Variants in GRM7 observed in about 807,000 individuals in gnomAD.
GRM7 encodes the protein metabotropic glutamate receptor 7.
GRM7 carries 35 observed loss-of-function variants against 84.5 expected under a neutral mutation model. The observed-to-expected ratio is 0.41, with a 90% CI of 0.32 to 0.55. GRM7 has a LOEUF of 0.55. Ranked by LOEUF, GRM7 falls within the 20% of genes least tolerant of loss-of-function variation. GRM7 has a pLI of 0.19. For synonymous variants in GRM7, 487 were observed against 455.1 expected, an observed-to-expected ratio of 1.07 and a Z score of -0.89; for missense variants, 1,003 against 1,194.6, an observed-to-expected ratio of 0.84 and a Z score of 2.36.
At chr3:7,524,852 C>T (rs1006676736) in intron 7 of GRM7, among the ~76,000 whole-genome samples, 7 of 105,130 alleles carry the variant, frequency 6.7e-5, no homozygotes, top group African/African-American at 9.9e-5. Context: ...ATAGCAAAGA[C>T]TTGGAACCAA....
At position 7,317,556 on chromosome 3, in the gene GRM7, T is replaced by C. The variant is rs910494665; in HGVS notation, c.1033+10904T>C. Among the ~76,000 whole-genome samples the C allele has an allele frequency of 3.9e-5, 6 of 152,222 alleles. No homozygotes were observed. In the East Asian group the frequency reaches 9.6e-4, roughly 24 times the overall value. Reference sequence around the variant, plus strand: ...CCTATAATCGCCACCAATTACTCTGTATTGCTAAGAATAGAGAAAACAGAT... The same window carrying C: ...CCTATAATCGCCACCAATTACTCTGCATTGCTAAGAATAGAGAAAACAGAT... On this transcript the variant is annotated intron_variant, in intron 4 of 9. Coordinates refer to ENST00000357716, the MANE Select transcript of GRM7 (RefSeq NM_000844.4).
intron 8 of GRM7, among the ~76,000 whole-genome samples, chr3:7,588,387 AC>A (rs1695620757): frequency 6.6e-6 from 1 of 152,120 alleles, no homozygotes; most frequent in Non-Finnish European, 1.5e-5. Flanking sequence ...CTCTCTACCC[AC>A]CCAGCTCAGG....
intron 2 of GRM7, among the ~76,000 whole-genome samples, chr3:7,156,130 A>C (rs1694440964): frequency 6.6e-6 from 1 of 152,178 alleles, no homozygotes; most frequent in African/African-American, 2.4e-5. Flanking sequence ...GAGAAGACAG[A>C]AGAGCAGACA....
chr3:7,023,989 A>G (rs146390807), intron 1 of GRM7, among the ~76,000 whole-genome samples: 2 of 152,294 alleles, frequency 1.3e-5, no homozygotes, highest in Non-Finnish European at 2.9e-5. Flanking sequence ...TGTTCTCTCC[A>G]GGCAGGCTCT....
At chr3:6,921,829 T>TC (rs953948530) in intron 1 of GRM7, among the ~76,000 whole-genome samples, 3 of 151,832 alleles carry the variant, frequency 2.0e-5, no homozygotes, top group Non-Finnish European at 4.4e-5. Context: ...CTCTCTCCTC[T>TC]CCCCCCAAAT....
intron 1 of GRM7, among the ~76,000 whole-genome samples, chr3:7,060,875 T>G (rs1697413920): frequency 6.6e-6 from 1 of 151,792 alleles, no homozygotes; most frequent in South Asian, 2.1e-4. Flanking sequence ...CCTATCATTG[T>G]TTATCTCTCA....
chr3:7,405,133 T>C (rs1695620059), intron 4 of GRM7, among the ~76,000 whole-genome samples: 1 of 152,156 alleles, frequency 6.6e-6, no homozygotes, highest in Non-Finnish European at 1.5e-5. Context: ...TTTGTTACTA[T>C]TAATTAATTT....
chr3:7,431,027 C>T (rs1002813927), intron 5 of GRM7, among the ~76,000 whole-genome samples: 3 of 152,004 alleles, frequency 2.0e-5, no homozygotes, highest in African/African-American at 7.2e-5. Context: ...TGGGGAGGGG[C>T]CCAGTGCGAA....
At chr3:7,568,106 G>A (rs1173684098) in intron 7 of GRM7, among the ~76,000 whole-genome samples, 1 of 152,126 alleles carries the variant, frequency 6.6e-6, no homozygotes, top group Non-Finnish European at 1.5e-5. Flanking sequence ...TTAATTGCTG[G>A]TGGCAGGGCT....
intron 8 of GRM7, among the ~76,000 whole-genome samples, chr3:7,654,423 CTTACT>C (rs142005634): frequency 0.012 from 1,828 of 152,244 alleles, 30 homozygotes; most frequent in African/African-American, 0.042. Flanking sequence ...ACCATTCTAC[CTTACT>C]TTGTCTTTTG....
intron 1 of GRM7, among the ~76,000 whole-genome samples, chr3:7,036,967 G>A (rs1176749330): frequency 6.6e-6 from 1 of 152,214 alleles, no homozygotes; most frequent in Non-Finnish European, 1.5e-5. Flanking sequence ...GACATAATGA[G>A]TGATTAATGG....
chr3:7,722,007 T>G (rs1701967715), intron 9 of GRM7, among the ~76,000 whole-genome samples: 1 of 152,218 alleles, frequency 6.6e-6, no homozygotes. Context: ...GATTCCTTTT[T>G]CAATCAATGG....
chr3:7,221,804 A>ATTTTTTTTTTTTTTTTTTTTTTTTTTT (rs540956206), intron 2 of GRM7, among the ~76,000 whole-genome samples: 1 of 97,354 alleles, frequency 1.0e-5, no homozygotes, highest in Non-Finnish European at 2.0e-5. Context: ...AATTTCTTGT[A>ATTTTTTTTTTTTTTTTTTTTTTTTTTT]TTTTTTTTTT....
chr3:7,258,815 T>C (rs1434635895), intron 2 of GRM7, among the ~76,000 whole-genome samples: 2 of 152,072 alleles, frequency 1.3e-5, no homozygotes, highest in African/African-American at 4.8e-5. Context: ...CCCTAATAAC[T>C]TGTGACAAAT....
At chr3:7,184,235 C>G (rs972811260) in intron 2 of GRM7, among the ~76,000 whole-genome samples, 6 of 152,048 alleles carry the variant, frequency 3.9e-5, no homozygotes, top group African/African-American at 1.4e-4. Context: ...AAGCTATTCC[C>G]TTCTCCGAAA....
At chr3:6,883,346 T>C (rs1695581909) in intron 1 of GRM7, among the ~76,000 whole-genome samples, 2 of 152,150 alleles carry the variant, frequency 1.3e-5, no homozygotes, top group African/African-American at 4.8e-5. Context: ...ATCTCATGTT[T>C]ATAGAAATTC....
intron 1 of GRM7, among the ~76,000 whole-genome samples, chr3:6,871,800 G>A (rs912882843): frequency 6.6e-6 from 1 of 151,928 alleles, no homozygotes; most frequent in African/African-American, 2.4e-5. Flanking sequence ...CTAGTGTTCA[G>A]GGGGAAAGCA....
chr3:7,478,233 G>A (rs577012851), intron 7 of GRM7, among the ~76,000 whole-genome samples: 1 of 152,178 alleles, frequency 6.6e-6, no homozygotes, highest in South Asian at 2.1e-4. Flanking sequence ...CCAACTGGAG[G>A]GAAATCTGGG....
At chr3:7,300,690 C>T (rs1699968225) in intron 3 of GRM7, among the ~76,000 whole-genome samples, 1 of 152,174 alleles carries the variant, frequency 6.6e-6, no homozygotes. Flanking sequence ...TTCCCTGCTT[C>T]ATCACCTCAA....
Sources: allele counts gnomAD v4.1 joint callset (sites outside exome capture counted in the v4.1 genomes callset), GRCh38; gene constraint gnomAD v4.1.1; transcripts MANE v1.5; gene names NCBI Gene and HGNC (gene_info 2026-07-23, HGNC 2026-07-21).